The following WWP2 variants were observed in gnomAD, a reference collection of about 807,000 sequenced individuals.
WWP2 encodes NEDD4-like E3 ubiquitin-protein ligase WWP2.
In WWP2, 57 loss-of-function variants were observed where a neutral mutation model predicts 121.0. That is an observed-to-expected ratio of 0.47 (90% CI 0.38 to 0.59). The LOEUF is 0.59. WWP2 is among the 20% of genes least tolerant of loss of function. WWP2 has a pLI of 0.00. For synonymous variants in WWP2, 449 were observed against 441.3 expected (o/e 1.02, Z -0.22); for missense variants, 962 against 1,158.9 (o/e 0.83, Z 2.47).
rs573540603 is a variant in WWP2 at position 69,937,190 on chromosome 16, G to T, written c.2190G>T (p.Glu730Asp). Residue 730 changes from glutamate (E) to aspartate (D), a missense_variant, in exon 20 of 24, where the codon GAG becomes GAT. Coordinates refer to ENST00000359154, the MANE Select transcript of WWP2 (RefSeq NM_001270454.2). The surrounding 1 kb of genome is among the most constrained non-coding windows in gnomAD (Gnocchi z 6.6). ...QTKAFLDGFN[E>D]VAPLEWLRYF... is the part of the protein sequence containing the mutation. ...AAGCCTTCCTGGATGGCTTCAACGAGGTGGCCCCGCTGGAGTGGCTGCGCT... is the reference window on the plus strand; with the variant it reads ...AAGCCTTCCTGGATGGCTTCAACGATGTGGCCCCGCTGGAGTGGCTGCGCT... The T allele has an allele frequency of 1.2e-6, 2 of 1,613,976 alleles. No homozygotes were observed. The highest frequency in any genetic ancestry group is 1.1e-5 in the South Asian group (1 of 91,034).
At chr16:69,824,450 T>C (rs1042285105) in intron 4 of WWP2, among the ~76,000 whole-genome samples, 7 of 151,986 alleles carry the variant, frequency 4.6e-5, no homozygotes, top group African/African-American at 1.4e-4. Context: ...GTGCTGTTTA[T>C]TACATCCAGG....
intron 12 of WWP2, 104 bp downstream of exon 12, chr16:69,929,633 C>A: frequency 1.0e-6 from 1 of 976,106 alleles, no homozygotes; most frequent in Non-Finnish European, 1.6e-6. Context: ...GGGCTGATGT[C>A]AGGGACCTTT....
At chr16:69,830,004 G>T (rs1051989344) in intron 4 of WWP2, among the ~76,000 whole-genome samples, 3 of 151,380 alleles carry the variant, frequency 2.0e-5, no homozygotes, top group Non-Finnish European at 2.9e-5. Flanking sequence ...ACCTAAGCTG[G>T]AATGCAGTGG....
chr16:69,872,801 AC>A (rs2057665330), intron 7 of WWP2, among the ~76,000 whole-genome samples: 1 of 152,192 alleles, frequency 6.6e-6, no homozygotes, highest in African/African-American at 2.4e-5. Context: ...GAACTTCCCC[AC>A]ACTTGGCTCT....
chr16:69,909,530 T>G (rs2058349952), intron 9 of WWP2: 1 of 985,350 alleles, frequency 1.0e-6, no homozygotes, highest in Non-Finnish European at 1.2e-6. Flanking sequence ...CCCATAATTC[T>G]CCATGGATGG....
chr16:69,936,702 T>C, intron 19 of WWP2: 1 of 557,534 alleles, frequency 1.8e-6, no homozygotes, highest in South Asian at 2.1e-5. Context: ...CAGCGTGGAA[T>C]TTCTTTGAAG....
intron 9 of WWP2, among the ~76,000 whole-genome samples, chr16:69,915,354 C>A (rs1216474207): frequency 6.6e-6 from 1 of 152,148 alleles, no homozygotes; most frequent in Non-Finnish European, 1.5e-5. Flanking sequence ...AATGCAATAC[C>A]TATATCCTCA....
At chr16:69,896,825 TG>T (rs1461029088) in intron 8 of WWP2, among the ~76,000 whole-genome samples, 12 of 152,100 alleles carry the variant, frequency 7.9e-5, no homozygotes, top group Non-Finnish European at 1.2e-4. Context: ...GATGATTTCA[TG>T]CAGTCTTCCC....
chr16:69,767,950 A>G (rs565674208), intron 1 of WWP2, among the ~76,000 whole-genome samples: 1 of 152,212 alleles, frequency 6.6e-6, no homozygotes, highest in African/African-American at 2.4e-5. Context: ...TGATCCTCCC[A>G]TCTTAGCCTT....
intron 11 of WWP2, among the ~76,000 whole-genome samples, chr16:69,928,466 T>C (rs2058669063): frequency 6.6e-6 from 1 of 151,894 alleles, no homozygotes; most frequent in Non-Finnish European, 1.5e-5. Context: ...GAGCACAGAC[T>C]CCTCCCTTGG....
intron 1 of WWP2, among the ~76,000 whole-genome samples, chr16:69,781,148 T>A (rs138149477): frequency 5.7e-4 from 86 of 151,022 alleles, no homozygotes; most frequent in Non-Finnish European, 1.1e-3. Flanking sequence ...AAAAAAGAAC[T>A]GAGATGGGAG....
At chr16:69,901,708 A>T (rs1372084422) in intron 8 of WWP2, among the ~76,000 whole-genome samples, 1 of 152,218 alleles carries the variant, frequency 6.6e-6, no homozygotes, top group Non-Finnish European at 1.5e-5. Context: ...AAGCAAATTA[A>T]TGAATAATAC....
chr16:69,937,329 G>A lies in WWP2; in HGVS notation c.2238+91G>A, dbSNP rs1036029939. ...CTCACTGTGTACCCACAGACACTCA[G>A]CGTAAAACTCCCACTTCGGCAGGGC... On this transcript the variant is annotated intron_variant, in intron 20 of 23. Transcript: ENST00000359154. This position sits in a 1 kb window ranked among gnomAD's most constrained non-coding sequence, Gnocchi z 6.6. The A allele has an allele frequency of 2.1e-5, 33 of 1,556,010 alleles. No individual in the cohort carries two copies. The highest frequency in any genetic ancestry group is 2.5e-5 in the Non-Finnish European group (29 of 1,151,042).
rs1487468491 is a variant in WWP2, at chr16:69,935,525, C to T, written c.1843-328C>T. The stretch of plus-strand genomic sequence containing the variant: ...GTTCAGAGCAAGCCTTTTCTGTGAG[C>T]GTGGGGCAGACCTTTGCTAGGCCAG... On this transcript the variant is annotated intron_variant, in intron 17 of 23. Coordinates refer to ENST00000359154, the MANE Select transcript of WWP2 (RefSeq NM_001270454.2). This position sits in a 1 kb window ranked among gnomAD's most constrained non-coding sequence, Gnocchi z 5.2. Among the ~76,000 whole-genome samples, 2 of 152,212 alleles carry T rather than the reference C, an allele frequency of 1.3e-5. No homozygotes were observed. Among genetic ancestry groups the T allele is most frequent in the Non-Finnish European group, 2.9e-5 (2 of 68,030 alleles).
intron 8 of WWP2, among the ~76,000 whole-genome samples, chr16:69,906,708 C>A (rs1266142003): frequency 1.3e-5 from 2 of 151,948 alleles, no homozygotes; most frequent in Admixed American, 1.3e-4. Context: ...AAAGCAAGAC[C>A]CTGTCTCTAC....
chr16:69,763,287 T>C (rs114230384), intron 1 of WWP2, among the ~76,000 whole-genome samples: 334 of 152,290 alleles, frequency 2.2e-3, no homozygotes, highest in African/African-American at 7.6e-3. Context: ...CTTGACGAAC[T>C]GTAACTAGGT....
intron 4 of WWP2, among the ~76,000 whole-genome samples, chr16:69,800,984 G>A (rs1432245284): frequency 2.0e-5 from 3 of 148,456 alleles, no homozygotes; most frequent in East Asian, 4.0e-4. Context: ...TCAGGAGTTC[G>A]TGACCAGCCT....
intron 6 of WWP2, among the ~76,000 whole-genome samples, chr16:69,850,489 C>G (rs139048732): frequency 6.6e-6 from 1 of 151,808 alleles, no homozygotes; most frequent in African/African-American, 2.4e-5. Flanking sequence ...TGTGATGGAT[C>G]CATGGTGATG....
chr16:69,867,364 A>G (rs2057545865), intron 6 of WWP2, among the ~76,000 whole-genome samples: 1 of 152,154 alleles, frequency 6.6e-6, no homozygotes, highest in Non-Finnish European at 1.5e-5. Context: ...CATTTCCACT[A>G]AGGTGGAAGC....
Sources: allele counts gnomAD v4.1 joint callset (sites outside exome capture counted in the v4.1 genomes callset), GRCh38; gene constraint gnomAD v4.1.1; non-coding constraint Gnocchi (gnomAD v3.1); transcripts MANE v1.5; gene names NCBI Gene and HGNC (gene_info 2026-07-23, HGNC 2026-07-21).